The following PXDNL variants were observed in gnomAD, a reference collection of about 807,000 sequenced individuals.
PXDNL encodes probable oxidoreductase PXDNL.
In PXDNL, 145 loss-of-function variants were observed where a neutral mutation model predicts 150.8. The ratio of observed to expected loss-of-function variants is 0.96; its 90% CI spans 0.84 to 1.10. The LOEUF is 1.10. PXDNL is among the 50% of genes least tolerant of loss of function. The probability of loss-of-function intolerance (pLI) is 0.00; values close to 1 mark genes in which losing one functional copy is unlikely to be tolerated. For missense variants in PXDNL, 2,087 were observed against 1,873.9 expected, an observed-to-expected ratio of 1.11 and a Z score of -2.10; for synonymous variants, 757 against 725.7, an observed-to-expected ratio of 1.04 and a Z score of -0.69.
chr8:51,325,316 C>T (rs1310725906), intron 21 of PXDNL, among the ~76,000 whole-genome samples: 1 of 152,138 alleles, frequency 6.6e-6, no homozygotes, highest in African/African-American at 2.4e-5. Context: ...TTACTTAAGC[C>T]TTCTGGTTTA....
intron 12 of PXDNL, among the ~76,000 whole-genome samples, chr8:51,428,499 T>G (rs1586098747): frequency 6.6e-6 from 1 of 152,206 alleles, no homozygotes; most frequent in Non-Finnish European, 1.5e-5. Flanking sequence ...TGTGTGGTAT[T>G]GAGGAATACG....
chr8:51,370,743 C>T (rs181337887), intron 19 of PXDNL, among the ~76,000 whole-genome samples: 64 of 152,328 alleles, frequency 4.2e-4, no homozygotes, highest in African/African-American at 1.4e-3. Context: ...ATTACAGGTA[C>T]CCATCATCAC....
chr8:51,584,248 C>T (rs1813274643), intron 3 of PXDNL, among the ~76,000 whole-genome samples: 1 of 152,104 alleles, frequency 6.6e-6, no homozygotes, highest in Non-Finnish European at 1.5e-5. Flanking sequence ...GAGTTATGAT[C>T]ATTTGATGCA....
At chr8:51,754,242 G>T (rs184527651) in intron 1 of PXDNL, among the ~76,000 whole-genome samples, 3 of 152,186 alleles carry the variant, frequency 2.0e-5, no homozygotes, top group Non-Finnish European at 4.4e-5. Flanking sequence ...TCTTAAAAAT[G>T]TAGATTGTCA....
intron 1 of PXDNL, among the ~76,000 whole-genome samples, chr8:51,662,155 T>A (rs541140236): frequency 1.4e-4 from 22 of 152,320 alleles, no homozygotes; most frequent in African/African-American, 5.1e-4. Flanking sequence ...CAATTATAAT[T>A]GGCCTTCCTT....
At chr8:51,635,534 T>G (rs1487368917) in intron 2 of PXDNL, among the ~76,000 whole-genome samples, 1 of 152,020 alleles carries the variant, frequency 6.6e-6, no homozygotes, top group Non-Finnish European at 1.5e-5. Flanking sequence ...TACTACTGAC[T>G]TTATTAAAAG....
chr8:51,802,246 A>G (rs1195009899), intron 1 of PXDNL, among the ~76,000 whole-genome samples: 1 of 151,636 alleles, frequency 6.6e-6, no homozygotes, highest in Non-Finnish European at 1.5e-5. Context: ...TGGTGTTTTT[A>G]CTACTCCGAT....
intron 14 of PXDNL, among the ~76,000 whole-genome samples, chr8:51,417,892 A>G (rs1190908719): frequency 6.6e-6 from 1 of 152,182 alleles, no homozygotes; most frequent in Non-Finnish European, 1.5e-5. Flanking sequence ...GGAGAGCTCC[A>G]CTGTTTTTTC....
At chr8:51,333,910 T>G (rs567311009) in intron 21 of PXDNL, among the ~76,000 whole-genome samples, 3 of 152,144 alleles carry the variant, frequency 2.0e-5, no homozygotes, top group Non-Finnish European at 4.4e-5. Context: ...AGACAGGTCA[T>G]CAAGACAGAA....
intron 1 of PXDNL, among the ~76,000 whole-genome samples, chr8:51,716,760 G>A (rs1258061778): frequency 6.6e-6 from 1 of 152,196 alleles, no homozygotes; most frequent in South Asian, 2.1e-4. Flanking sequence ...CCCAAAGGCA[G>A]GTGGAAAACG....
intron 1 of PXDNL, among the ~76,000 whole-genome samples, chr8:51,656,270 T>C (rs1478705462): frequency 6.6e-6 from 1 of 152,244 alleles, no homozygotes; most frequent in East Asian, 1.9e-4. Flanking sequence ...CATCTTTCTC[T>C]AGACTTTGCC....
At chr8:51,801,197 G>C (rs2037615738) in intron 1 of PXDNL, among the ~76,000 whole-genome samples, 1 of 152,114 alleles carries the variant, frequency 6.6e-6, no homozygotes, top group Non-Finnish European at 1.5e-5. Flanking sequence ...GTCCTATGTG[G>C]TTGAGATAAG....
intron 7 of PXDNL, 57 bp from the exon 8 acceptor site, chr8:51,472,361 A>G: frequency 7.6e-7 from 1 of 1,320,038 alleles, no homozygotes; most frequent in Non-Finnish European, 1.1e-6. Flanking sequence ...TGGCCTTCCA[A>G]GATGCTGAGA....
At chr8:51,704,325 A>AT (rs1369289117) in intron 1 of PXDNL, among the ~76,000 whole-genome samples, 2 of 152,214 alleles carry the variant, frequency 1.3e-5, no homozygotes, top group African/African-American at 2.4e-5. Context: ...CAGTTCATTT[A>AT]TTTTTTACTG....
At chr8:51,623,242 C>G (rs549094646) in intron 2 of PXDNL, among the ~76,000 whole-genome samples, 3 of 152,312 alleles carry the variant, frequency 2.0e-5, no homozygotes, top group Admixed American at 1.3e-4. Context: ...CAGAGAGCAG[C>G]ACTCTGGGCC....
intron 1 of PXDNL, among the ~76,000 whole-genome samples, chr8:51,807,593 G>C (rs969515315): frequency 6.6e-6 from 1 of 152,152 alleles, no homozygotes; most frequent in African/African-American, 2.4e-5. Context: ...AACACATTTT[G>C]TAAGTGGTGG....
intron 1 of PXDNL, among the ~76,000 whole-genome samples, chr8:51,679,131 C>T (rs576859688): frequency 6.6e-6 from 1 of 152,288 alleles, no homozygotes; most frequent in African/African-American, 2.4e-5. Flanking sequence ...TGGCACTTTT[C>T]CCATTCTAAA....
intron 20 of PXDNL, among the ~76,000 whole-genome samples, chr8:51,343,275 G>A (rs1451286990): frequency 6.6e-6 from 1 of 152,158 alleles, no homozygotes; most frequent in Non-Finnish European, 1.5e-5. Flanking sequence ...GCAATTCTTT[G>A]TGCATGTTGG....
rs908090775 is a variant in PXDNL at position 51,462,154 on chromosome 8, C to G, written c.813-4487G>C. Among the ~76,000 whole-genome samples, 3 of 152,176 alleles carry G rather than the reference C, an allele frequency of 2.0e-5. No individual in the cohort carries two copies. The East Asian group carries it at 5.8e-4, about 29-fold the overall frequency. On this transcript the variant is annotated intron_variant, in intron 8 of 22. Transcript: ENST00000356297. ...TAACATAAAAACAAAAAGCCCCATA[C>G]AACTGACAGCAACTTCAAAGAGATA...
Sources: gnomAD v4.1 joint callset for allele counts (sites outside exome capture counted in the v4.1 genomes callset) on GRCh38, gnomAD v4.1.1 for gene constraint, MANE v1.5 for transcripts, NCBI Gene and HGNC (gene_info 2026-07-23, HGNC 2026-07-21) for gene names.